The following MTFMT variants were observed in gnomAD, a reference collection of about 807,000 sequenced individuals.
MTFMT encodes methionyl-tRNA formyltransferase, mitochondrial.
In MTFMT, 47 loss-of-function variants were observed where a neutral mutation model predicts 51.8. The ratio of observed to expected loss-of-function variants is 0.91; its 90% CI spans 0.72 to 1.16. The LOEUF is 1.16. MTFMT is among the 50% of genes most tolerant of loss of function. MTFMT has a pLI of 0.00. For missense variants in MTFMT, 512 were observed against 482.3 expected (o/e 1.06, Z -0.58); for synonymous variants, 196 against 176.7 (o/e 1.11, Z -0.87).
At chr15:65,007,195 C>T (rs1218011360) in intron 6 of MTFMT, among the ~76,000 whole-genome samples, 1 of 152,152 alleles carries the variant, frequency 6.6e-6, no homozygotes, top group Non-Finnish European at 1.5e-5. Context: ...AGGACCCCCT[C>T]TTTTTTTGCT....
At chr15:65,023,147 T>A (rs2086389703) in intron 3 of MTFMT, among the ~76,000 whole-genome samples, 1 of 152,212 alleles carries the variant, frequency 6.6e-6, no homozygotes, top group African/African-American at 2.4e-5. Flanking sequence ...AGGCAGAGAC[T>A]GAATAAACTC....
In MTFMT at chr15:65,017,104, A is replaced by AT. The variant is rs1486276160; in HGVS notation, c.722-578_722-577insA. ...GGCAAAATAAATTAAAAAAAAAAAA[A>AT]AAGACAAAAAGAAATGCCATAAGTT... On this transcript the variant is annotated intron_variant, in intron 5 of 8. Transcript: ENST00000220058. Among the ~76,000 whole-genome samples, 741 of 150,066 alleles carry AT rather than the reference A, an allele frequency of 4.9e-3. 7 individuals carry two copies. Among genetic ancestry groups the AT allele is most frequent in the African/African-American group, 0.016 (660 of 40,850 alleles).
intron 6 of MTFMT, chr15:65,016,160 C>T (rs1361851913): frequency 2.1e-5 from 4 of 187,494 alleles, no homozygotes; most frequent in Non-Finnish European, 4.4e-5. Flanking sequence ...TCTTTCCCCT[C>T]ACCTATGAAG....
intron 6 of MTFMT, among the ~76,000 whole-genome samples, chr15:65,006,416 C>CG (rs2086220080): frequency 7.1e-6 from 1 of 141,306 alleles, no homozygotes; most frequent in Non-Finnish European, 1.5e-5. Context: ...CTCGTTGTGT[C>CG]ACCAGGCTGG....
At chr15:65,003,867 G>C (rs200765945) in intron 8 of MTFMT, among the ~76,000 whole-genome samples, 2 of 62,636 alleles carry the variant, frequency 3.2e-5, no homozygotes, top group Non-Finnish European at 8.5e-5. Context: ...AAAAAAAAAA[G>C]GGAAATACAT....
At chr15:65,023,830 G>A in intron 2 of MTFMT, 36 bp from the exon 3 acceptor site, 1 of 1,563,240 alleles carries the variant, frequency 6.4e-7, no homozygotes, top group South Asian at 1.2e-5. Context: ...TATGTCAGTG[G>A]GCTTTACCAC....
chr15:65,013,382 T>C (rs988502631), intron 6 of MTFMT, among the ~76,000 whole-genome samples: 3 of 151,760 alleles, frequency 2.0e-5, no homozygotes, highest in Non-Finnish European at 2.9e-5. Context: ...CCAAAATACC[T>C]GGGACTACAA....
At chr15:65,010,234 T>C (rs61169556) in intron 6 of MTFMT, among the ~76,000 whole-genome samples, 1,910 of 152,298 alleles carry the variant, frequency 0.013, 43 homozygotes, top group African/African-American at 0.042. Context: ...GTAATTCACA[T>C]ACCAGAAAAT....
intron 2 of MTFMT, chr15:65,026,442 T>G: frequency 4.1e-6 from 1 of 245,362 alleles, no homozygotes; most frequent in South Asian, 6.6e-5. Flanking sequence ...GTCTATACCC[T>G]CTTTTCTTGT....
rs1447777428 is a variant in MTFMT at position 65,005,978 on chromosome 15, G to A, written c.892+135C>T. 4 of 567,998 alleles carry A rather than the reference G, an allele frequency of 7.0e-6. No individual in the cohort carries two copies. In the East Asian group the frequency reaches 1.2e-4, roughly 17 times the overall value. The allele number at this position is 567,998 out of a possible 1,614,324, so 35.2% of individuals were successfully genotyped here. ...GCAAAGAATAAGACAATAAGTGAAT[G>A]TAAAGTATTATAATTACTGAACTGA... On this transcript the variant is annotated intron_variant, in intron 7 of 8. Coordinates refer to ENST00000220058, the MANE Select transcript of MTFMT (RefSeq NM_139242.4).
At chr15:65,013,263 CT>C (rs2086285507) in intron 6 of MTFMT, among the ~76,000 whole-genome samples, 1 of 147,062 alleles carries the variant, frequency 6.8e-6, no homozygotes, top group African/African-American at 2.5e-5. Context: ...CTTTGTCTTT[CT>C]TTTATTTTCT....
At chr15:65,023,144 G>A (rs1394529732) in intron 3 of MTFMT, among the ~76,000 whole-genome samples, 1 of 152,164 alleles carries the variant, frequency 6.6e-6, no homozygotes, top group Non-Finnish European at 1.5e-5. Flanking sequence ...AACAGGCAGA[G>A]ACTGAATAAA....
At chr15:65,013,661 G>T (rs1167589829) in intron 6 of MTFMT, among the ~76,000 whole-genome samples, 1 of 152,046 alleles carries the variant, frequency 6.6e-6, no homozygotes, top group South Asian at 2.1e-4. Context: ...ATCCCACTTG[G>T]GGCAGGGTGT....
At chr15:65,029,184 G>A (rs2086456544) in intron 1 of MTFMT, 42 of 825,220 alleles carry the variant, frequency 5.1e-5, no homozygotes, top group Non-Finnish European at 5.9e-5. Flanking sequence ...CCACAGAGGC[G>A]GCGGGGAGTG....
Position 65,026,914 on chromosome 15 carries a change from A to G in MTFMT, c.336T>C (p.Asp112=), listed in dbSNP as rs2140490923. Reference sequence around the variant, plus strand: ...CAACATCATATTCTCCAGATCCCACATCCGGCCACTCATATACGGGAAGCT... The same window carrying G: ...CAACATCATATTCTCCAGATCCCACGTCCGGCCACTCATATACGGGAAGCT... ...QSQLPVYEWP[D]VGSGEYDVGV... The change falls in exon 2 of 9, where the codon GAT becomes GAC. Residue 112 remains aspartate (D), a synonymous_variant. Coordinates refer to ENST00000220058, the MANE Select transcript of MTFMT (RefSeq NM_139242.4). 2 of 1,614,006 alleles carry G rather than the reference A, an allele frequency of 1.2e-6. No individual in the cohort carries two copies. Among genetic ancestry groups the G allele is most frequent in the Non-Finnish European group, 1.7e-6 (2 of 1,179,882 alleles).
At chr15:65,006,566 C>T (rs1201420040) in intron 6 of MTFMT, among the ~76,000 whole-genome samples, 1 of 151,872 alleles carries the variant, frequency 6.6e-6, no homozygotes, top group Non-Finnish European at 1.5e-5. Flanking sequence ...TAAGTAGAGA[C>T]GGGGTTTCAC....
chr15:65,024,827 G>C (rs568536703), intron 2 of MTFMT, among the ~76,000 whole-genome samples: 6 of 152,162 alleles, frequency 3.9e-5, no homozygotes, highest in African/African-American at 1.4e-4. Context: ...GACTATGAGG[G>C]GGACATATTA....
intron 1 of MTFMT, among the ~76,000 whole-genome samples, chr15:65,028,290 C>A (rs2086445107): frequency 6.6e-6 from 1 of 152,182 alleles, no homozygotes; most frequent in South Asian, 2.1e-4. Flanking sequence ...GTGGTGCACG[C>A]CCGTAGTCCT....
intron 6 of MTFMT, among the ~76,000 whole-genome samples, chr15:65,010,054 G>A (rs1339638039): frequency 6.6e-6 from 1 of 152,090 alleles, no homozygotes; most frequent in African/African-American, 2.4e-5. Flanking sequence ...GTGGCCCTCT[G>A]ATGTCAATCC....
Sources: gnomAD v4.1 joint callset for allele counts (sites outside exome capture counted in the v4.1 genomes callset) on GRCh38, gnomAD v4.1.1 for gene constraint, MANE v1.5 for transcripts, NCBI Gene and HGNC (gene_info 2026-07-23, HGNC 2026-07-21) for gene names.